WNT7B: variants seen among roughly 807,000 people sequenced by gnomAD.
WNT7B encodes protein Wnt-7b.
Under a neutral mutation model 38.2 loss-of-function variants are expected in WNT7B, and 19 were observed. That is an observed-to-expected ratio of 0.50 (90% CI 0.35 to 0.73). The LOEUF is 0.73. Among genes scored for constraint, WNT7B ranks in the 30% least tolerant of loss-of-function variants. WNT7B has a pLI of 0.01. For synonymous variants in WNT7B, 243 were observed against 209.3 expected (o/e 1.16, Z -1.39); for missense variants, 423 against 507.9 (o/e 0.83, Z 1.61).
At position 45,965,314 on chromosome 22, in the gene WNT7B, G is replaced by A. The variant is rs879300157; in HGVS notation, c.71+11370C>T. The stretch of plus-strand genomic sequence containing the variant: ...TAGAGCTCCTGCTGTGGGTCCCACA[G>A]GGCTTTGTGTCAACGACGCTGGAAG... On this transcript the variant is annotated intron_variant, in intron 1 of 3. Coordinates refer to ENST00000339464, the MANE Select transcript of WNT7B (RefSeq NM_058238.3). The surrounding 1 kb of genome is among the most constrained non-coding windows in gnomAD (Gnocchi z 6.5). Among the ~76,000 whole-genome samples, 19 of 152,220 alleles carry A rather than the reference G, an allele frequency of 1.2e-4. No individual in the cohort carries two copies. The highest frequency in any genetic ancestry group is 2.6e-4 in the Admixed American group (4 of 15,282).
At chr22:45,927,386 C>A (rs765629958) in intron 3 of WNT7B, 29 of 1,511,552 alleles carry the variant, frequency 1.9e-5, no homozygotes, top group Non-Finnish European at 2.4e-5. Context: ...CCAGACTCTG[C>A]CCATCTCACT....
Position 45,975,657 on chromosome 22 carries a change from C to T in WNT7B, c.71+1027G>A. ...CGTCTCCCACCAGTGGTACCTGCACCTGCCCCTCCCGCGGGTCTGTTCACC... is the reference window on the plus strand; with the variant it reads ...CGTCTCCCACCAGTGGTACCTGCACTTGCCCCTCCCGCGGGTCTGTTCACC... On this transcript the variant is annotated intron_variant, in intron 1 of 3. Coordinates refer to ENST00000339464, the MANE Select transcript of WNT7B (RefSeq NM_058238.3). This position sits in a 1 kb window ranked among gnomAD's most constrained non-coding sequence, Gnocchi z 6.6. 1 of 699,448 alleles carries T rather than the reference C, an allele frequency of 1.4e-6. No individual in the cohort carries two copies. The highest frequency in any genetic ancestry group is 2.7e-6 in the Non-Finnish European group (1 of 374,902). The allele number at this position is 699,448 out of a possible 1,614,324, so 43.3% of individuals were successfully genotyped here. A position where few individuals can be genotyped will look rare whatever the true frequency, so the allele number is the denominator to read the frequency against.
rs200395573 is a variant in WNT7B, at chr22:45,949,954, G to A, written c.264C>T (p.Gly88=). 2.4e-5 allele frequency: 38 copies of A among 1,611,994 alleles called. No homozygotes were observed. The highest frequency in any genetic ancestry group is 1.5e-4 in the African/African-American group (11 of 75,038). The change falls in exon 2 of 4, where the codon GGC becomes GGT. Residue 88 remains glycine, a synonymous_variant. Coordinates refer to ENST00000339464, the MANE Select transcript of WNT7B (RefSeq NM_058238.3). The part of the protein sequence containing the change: ...RFGRWNCSAL[G]EKTVFGQELR... ...GCTCTTGCCCGAAGACGGTCTTCTC[G>A]CCGAGGGCAGAGCAGTTCCAGCGTC...
chr22:45,972,116 G>GGGGGCCCCCCCCCCCCCCCCCCC, intron 1 of WNT7B: 5 of 530,718 alleles, frequency 9.4e-6, no homozygotes, highest in East Asian at 3.7e-5. Flanking sequence ...CCCGGGGGGA[G>GGGGGCCCCCCCCCCCCCCCCCCC]CCCACCCGCC....
intron 2 of WNT7B, among the ~76,000 whole-genome samples, chr22:45,945,457 A>T (rs536385477): frequency 5.9e-5 from 9 of 152,382 alleles, no homozygotes; most frequent in South Asian, 2.1e-4. Flanking sequence ...AATCAGTAGA[A>T]GAGTTATTCA....
chr22:45,953,692 C>A (rs1255331509), intron 1 of WNT7B, among the ~76,000 whole-genome samples: 18 of 148,618 alleles, frequency 1.2e-4, no homozygotes, highest in African/African-American at 4.2e-4. Context: ...AAATGAGATG[C>A]CACCTCACAC....
chr22:45,973,170 C>G (rs1932487707), intron 1 of WNT7B, among the ~76,000 whole-genome samples: 1 of 152,256 alleles, frequency 6.6e-6, no homozygotes, highest in African/African-American at 2.4e-5. Context: ...TTCTTTTGCT[C>G]TCCTTTGAGC....
At position 45,975,754 on chromosome 22, in the gene WNT7B, C is replaced by A. The variant is rs1205881053; in HGVS notation, c.71+930G>T. 7.9e-6 allele frequency: 3 copies of A among 380,832 alleles called. No individual in the cohort carries two copies. Among genetic ancestry groups the A allele is most frequent in the Non-Finnish European group, 1.4e-5 (3 of 213,600 alleles). 23.6% of individuals were successfully genotyped at this position (380,832 alleles called of 1,614,324 possible). ...CGCACAGTAGGCGCGCAGGGCGCGG[C>A]GGGGCCCGGGTCCCCGCAGGTGCGA... On this transcript the variant is annotated intron_variant, in intron 1 of 3. Transcript: ENST00000339464. The surrounding 1 kb of genome is among the most constrained non-coding windows in gnomAD (Gnocchi z 6.6).
At chr22:45,930,962 C>A in intron 3 of WNT7B, 136 bp downstream of exon 3, 1 of 1,245,918 alleles carries the variant, frequency 8.0e-7, no homozygotes, top group Non-Finnish European at 1.1e-6. Context: ...ACGTGGAGGA[C>A]CCAGACGGCC....
intron 2 of WNT7B, among the ~76,000 whole-genome samples, chr22:45,942,126 G>A (rs927433945): frequency 4.6e-5 from 7 of 152,176 alleles, no homozygotes; most frequent in Non-Finnish European, 8.8e-5. Flanking sequence ...CAGTTTACTG[G>A]TGTAGAGATT....
At chr22:45,956,825 C>T (rs112025435) in intron 1 of WNT7B, among the ~76,000 whole-genome samples, 7 of 152,180 alleles carry the variant, frequency 4.6e-5, no homozygotes, top group East Asian at 1.9e-4. Context: ...TGAAAATCCC[C>T]GGCCAGGCGC....
Position 45,966,312 on chromosome 22 carries a change from A to G in WNT7B, c.71+10372T>C, listed in dbSNP as rs1331859468. On this transcript the variant is annotated intron_variant, in intron 1 of 3. Coordinates refer to ENST00000339464, the MANE Select transcript of WNT7B (RefSeq NM_058238.3). The surrounding 1 kb of genome is among the most constrained non-coding windows in gnomAD (Gnocchi z 4.2). ...TCACCACGTGGGACTGCGCGGGCCT[A>G]AGTCTCAGCTCTGGATGCCTCCTCA... Among the ~76,000 whole-genome samples, 1 of 152,206 alleles carries G rather than the reference A, an allele frequency of 6.6e-6. No individual in the cohort carries two copies. Among genetic ancestry groups the G allele is most frequent in the East Asian group, 1.9e-4 (1 of 5,194 alleles).
intron 2 of WNT7B, among the ~76,000 whole-genome samples, chr22:45,938,050 T>A (rs1931555227): frequency 6.6e-6 from 1 of 151,656 alleles, no homozygotes; most frequent in Non-Finnish European, 1.5e-5. Context: ...AATAAAATGG[T>A]TAACAACTCA....
At chr22:45,953,395 C>T (rs1931984438) in intron 1 of WNT7B, among the ~76,000 whole-genome samples, 1 of 152,228 alleles carries the variant, frequency 6.6e-6, no homozygotes, top group Non-Finnish European at 1.5e-5. Flanking sequence ...AGCAGACGGT[C>T]GGCCCCTCCA....
At chr22:45,946,915 C>A (rs1931810713) in intron 2 of WNT7B, among the ~76,000 whole-genome samples, 1 of 152,228 alleles carries the variant, frequency 6.6e-6, no homozygotes, top group African/African-American at 2.4e-5. Flanking sequence ...CTGAAAGGGG[C>A]TGTCCCACCC....
intron 2 of WNT7B, among the ~76,000 whole-genome samples, chr22:45,940,674 C>A (rs374649987): frequency 1.5e-4 from 23 of 152,298 alleles, no homozygotes; most frequent in African/African-American, 5.5e-4. Context: ...AGGCTGGGAG[C>A]GGCTCACAGA....
In WNT7B at chr22:45,941,119, G is replaced by A. The variant is rs182992830; in HGVS notation, c.298+8801C>T. Reference sequence around the variant, plus strand: ...TTTGGGTAAGAAATGCTGATGACCCGCCAGGTAGAGGAGGTGAAAAGCTGC... The same window carrying A: ...TTTGGGTAAGAAATGCTGATGACCCACCAGGTAGAGGAGGTGAAAAGCTGC... On this transcript the variant is annotated intron_variant, in intron 2 of 3. Coordinates refer to ENST00000339464, the MANE Select transcript of WNT7B (RefSeq NM_058238.3). 1.2e-3 allele frequency among the ~76,000 whole-genome samples: 184 copies of A among 152,326 alleles called. 1 individual carries two copies. Among genetic ancestry groups the A allele is most frequent in the South Asian group, 5.4e-3 (26 of 4,820 alleles).
intron 1 of WNT7B, chr22:45,954,680 G>C: frequency 1.0e-6 from 1 of 985,308 alleles, no homozygotes. Flanking sequence ...ACTGTATTTT[G>C]TGCCAGGAGT....
At chr22:45,952,314 G>A (rs911297505) in intron 1 of WNT7B, among the ~76,000 whole-genome samples, 2 of 152,232 alleles carry the variant, frequency 1.3e-5, no homozygotes, top group Non-Finnish European at 2.9e-5. Context: ...CCCACAGCAC[G>A]TGCTGCAGCC....
Sources: allele counts gnomAD v4.1 joint callset (sites outside exome capture counted in the v4.1 genomes callset), GRCh38; gene constraint gnomAD v4.1.1; non-coding constraint Gnocchi (gnomAD v3.1); transcripts MANE v1.5; gene names NCBI Gene and HGNC (gene_info 2026-07-23, HGNC 2026-07-21).